Variants in AGK observed in about 807,000 individuals in gnomAD.
AGK encodes acylglycerol kinase, mitochondrial.
Under a neutral mutation model 66.4 loss-of-function variants are expected in AGK, and 52 were observed. The observed-to-expected ratio is 0.78, with a 90% CI of 0.63 to 0.99. The LOEUF is 0.99. Ranked by LOEUF, AGK falls within the 50% of genes least tolerant of loss-of-function variation. The pLI is 0.00. For synonymous variants in AGK, 182 were observed against 181.1 expected (o/e 1.00, Z -0.04); for missense variants, 451 against 506.6 (o/e 0.89, Z 1.05).
intron 2 of AGK, among the ~76,000 whole-genome samples, chr7:141,576,394 C>A (rs575011476): frequency 2.0e-5 from 3 of 151,738 alleles, no homozygotes; most frequent in East Asian, 3.9e-4. Context: ...TAAGCTAATT[C>A]CGATCTGCTA....
intron 2 of AGK, among the ~76,000 whole-genome samples, chr7:141,558,292 G>C (rs1795259362): frequency 6.6e-6 from 1 of 151,582 alleles, no homozygotes; most frequent in Non-Finnish European, 1.5e-5. Context: ...CAAGCAGCTG[G>C]GACTACAGGC....
chr7:141,561,318 C>T (rs1019711841), intron 2 of AGK, among the ~76,000 whole-genome samples: 7 of 152,040 alleles, frequency 4.6e-5, no homozygotes, highest in Admixed American at 6.6e-5. Context: ...ATGGTAGTTC[C>T]GCTTTTAGTT....
At chr7:141,559,376 T>C (rs1795285714) in intron 2 of AGK, among the ~76,000 whole-genome samples, 1 of 152,162 alleles carries the variant, frequency 6.6e-6, no homozygotes, top group Admixed American at 6.5e-5. Flanking sequence ...GAGACTGTCA[T>C]TTCCCCATTG....
intron 2 of AGK, among the ~76,000 whole-genome samples, chr7:141,575,417 A>G (rs1795713154): frequency 6.6e-6 from 1 of 152,190 alleles, no homozygotes. Context: ...ATCACTTGGC[A>G]CTTAGAGACC....
chr7:141,559,574 A>T (rs1200191209), intron 2 of AGK, among the ~76,000 whole-genome samples: 2 of 152,000 alleles, frequency 1.3e-5, no homozygotes. Context: ...CTTTTTCAAG[A>T]TTGTTTTGGA....
chr7:141,630,833 G>A (rs1797040601), intron 9 of AGK, among the ~76,000 whole-genome samples: 1 of 152,204 alleles, frequency 6.6e-6, no homozygotes, highest in Non-Finnish European at 1.5e-5. Context: ...ACAAGATAAT[G>A]AGGCTGTAAA....
intron 8 of AGK, chr7:141,616,034 T>A (rs1054913275): frequency 6.5e-6 from 1 of 153,604 alleles, no homozygotes; most frequent in Non-Finnish European, 1.4e-5. Context: ...CTTAAAGTGG[T>A]AGACAGTGTA....
chr7:141,635,846 T>C (rs563945089), intron 10 of AGK, among the ~76,000 whole-genome samples: 1 of 152,316 alleles, frequency 6.6e-6, no homozygotes, highest in African/African-American at 2.4e-5. Flanking sequence ...AGTCATTCAT[T>C]GTTTGCTTTT....
intron 9 of AGK, among the ~76,000 whole-genome samples, chr7:141,633,453 T>C (rs906722940): frequency 2.6e-5 from 4 of 152,348 alleles, no homozygotes; most frequent in African/African-American, 9.6e-5. Flanking sequence ...GACTGTAGTT[T>C]CAGATATTCA....
Position 141,653,026 on chromosome 7 carries a change from C to A in AGK, c.*102C>A. Reference sequence around the variant, plus strand: ...CCCAACAGTGTCGTCAGAGGGTCCCCAGGGCATTTTCATGGCAAGTACCCC... The same window carrying A: ...CCCAACAGTGTCGTCAGAGGGTCCCAAGGGCATTTTCATGGCAAGTACCCC... On this transcript the variant is annotated 3_prime_UTR_variant, in exon 16 of 16. Transcript: ENST00000649286. The A allele has an allele frequency of 6.9e-7, 1 of 1,457,926 alleles. No homozygotes were observed. The highest frequency in any genetic ancestry group is 9.3e-7 in the Non-Finnish European group (1 of 1,071,476). The allele number at this position is 1,457,926 out of a possible 1,614,324, so 90.3% of individuals were successfully genotyped here.
intron 2 of AGK, among the ~76,000 whole-genome samples, chr7:141,565,220 C>A (rs1795443032): frequency 6.6e-6 from 1 of 152,160 alleles, no homozygotes; most frequent in Non-Finnish European, 1.5e-5. Context: ...AATTCCAGAC[C>A]TGTATATACA....
rs1797553357 is a variant in AGK at position 141,651,407 on chromosome 7, A to G, written c.1047-118A>G. 3 of 787,068 alleles carry G rather than the reference A, an allele frequency of 3.8e-6. No individual in the cohort carries two copies. In the East Asian group the frequency reaches 7.9e-5, roughly 21 times the overall value. The allele number at this position is 787,068 out of a possible 1,614,324, so 48.8% of individuals were successfully genotyped here. ...ATTATTTACAGAATTCTATGGCTTA[A>G]TAGACCATCTGTCCACTTATGTAAG... On this transcript the variant is annotated intron_variant, in intron 14 of 15. Transcript: ENST00000649286.
Position 141,611,253 on chromosome 7 carries a change from T to C in AGK, c.356T>C (p.Ile119Thr). Residue 119 changes from isoleucine (I) to threonine (T), a missense_variant, in exon 6 of 16, where the codon ATC (isoleucine) becomes ACC (threonine). Physicochemically the swap from Ile to Thr is moderately conservative, Grantham distance 89. Transcript: ENST00000649286. ...LLELMENTDV[I>T]IVAGGDGTLQ... Reference sequence around the variant, plus strand: ...GAACTGATGGAAAACACGGATGTGATCATTGTTGCAGGAGGAGATGGGACA... The same window carrying C: ...GAACTGATGGAAAACACGGATGTGACCATTGTTGCAGGAGGAGATGGGACA... 1 of 1,613,620 alleles carries C rather than the reference T, an allele frequency of 6.2e-7. No individual in the cohort carries two copies. Among genetic ancestry groups the C allele is most frequent in the Non-Finnish European group, 8.5e-7 (1 of 1,179,706 alleles).
chr7:141,558,347 G>GTT (rs71172603), intron 2 of AGK, among the ~76,000 whole-genome samples: 4 of 140,692 alleles, frequency 2.8e-5, no homozygotes, highest in Admixed American at 7.2e-5. Context: ...AGTAGAGATG[G>GTT]TTTTTTTTTT....
At chr7:141,567,764 A>G (rs1795502887) in intron 2 of AGK, among the ~76,000 whole-genome samples, 1 of 152,186 alleles carries the variant, frequency 6.6e-6, no homozygotes, top group Admixed American at 6.5e-5. Context: ...TCTGTCACTC[A>G]TTTCTGGTCC....
At chr7:141,560,700 T>C (rs542882217) in intron 2 of AGK, among the ~76,000 whole-genome samples, 4 of 152,064 alleles carry the variant, frequency 2.6e-5, no homozygotes, top group Admixed American at 6.6e-5. Context: ...CACTTATAAA[T>C]GAGAATATAT....
At position 141,647,268 on chromosome 7, in the gene AGK, A is replaced by G. The variant is rs532573154; in HGVS notation, c.976-1995A>G. On this transcript the variant is annotated intron_variant, in intron 13 of 15. Coordinates refer to ENST00000649286, the MANE Select transcript of AGK (RefSeq NM_018238.4). ...GATCCTATTGAAATGAAGCCAGAAC[A>G]TATTTCCCTCCTTAGAACCCTCCAG... 2.5e-3 allele frequency among the ~76,000 whole-genome samples: 388 copies of G among 152,250 alleles called. 2 individuals are homozygous for G. The highest frequency in any genetic ancestry group is 8.9e-3 in the African/African-American group (368 of 41,536).
intron 2 of AGK, among the ~76,000 whole-genome samples, chr7:141,584,722 G>T (rs938273488): frequency 6.6e-6 from 1 of 152,190 alleles, no homozygotes; most frequent in Non-Finnish European, 1.5e-5. Flanking sequence ...CTTTGCATTT[G>T]ATAGTAGAAT....
chr7:141,651,136 C>T (rs1797546892), intron 14 of AGK, among the ~76,000 whole-genome samples: 1 of 152,122 alleles, frequency 6.6e-6, no homozygotes, highest in African/African-American at 2.4e-5. Flanking sequence ...ATATTTTATC[C>T]TTCAAGTAAT....
Sources: allele counts gnomAD v4.1 joint callset (sites outside exome capture counted in the v4.1 genomes callset), GRCh38; gene constraint gnomAD v4.1.1; transcripts MANE v1.5; gene names NCBI Gene and HGNC (gene_info 2026-07-23, HGNC 2026-07-21).